Variants in ZNF493 observed in about 807,000 individuals in gnomAD.
The protein encoded by ZNF493 is zinc finger protein 493.
In ZNF493, 11 loss-of-function variants were observed where a neutral mutation model predicts 12.2. That is an observed-to-expected ratio of 0.90 (90% confidence interval 0.57 to 1.50). The LOEUF (loss-of-function observed/expected upper bound fraction) is 1.50, where lower values mean the gene tolerates loss of function less well. Among genes scored for constraint, ZNF493 ranks in the 40% most tolerant of loss-of-function variants. The pLI is 0.00. For synonymous variants in ZNF493, 286 were observed against 302.6 expected, an observed-to-expected ratio of 0.95 and a Z score of 0.57; for missense variants, 950 against 906.6, an observed-to-expected ratio of 1.05 and a Z score of -0.61.
chr19:21,417,916 G>A (rs2030542734), intron 3 of ZNF493, among the ~76,000 whole-genome samples: 1 of 152,216 alleles, frequency 6.6e-6, no homozygotes, highest in Admixed American at 6.5e-5. Flanking sequence ...GGAGAACCTA[G>A]TCCATACTGA....
At chr19:21,399,456 G>A (rs1427352780) in intron 1 of ZNF493, among the ~76,000 whole-genome samples, 4 of 152,088 alleles carry the variant, frequency 2.6e-5, no homozygotes, top group South Asian at 2.1e-4. Context: ...CACCATGCCC[G>A]GCCCACATCT....
intron 1 of ZNF493, chr19:21,397,599 C>T (rs979039997): frequency 1.0e-4 from 54 of 522,716 alleles, no homozygotes; most frequent in Non-Finnish European, 1.7e-4. Context: ...ACTTGGGGTG[C>T]GGGTTCATGA....
intron 3 of ZNF493, among the ~76,000 whole-genome samples, chr19:21,406,222 CA>C (rs5827503): frequency 0.73 from 109,467 of 150,234 alleles, 39,700 homozygotes; most frequent in Middle Eastern, 0.77. Context: ...GACTTCATCT[CA>C]AAAAAAAAAG....
intron 1 of ZNF493, 30 bp from the exon 2 acceptor site, chr19:21,405,099 T>G: frequency 6.2e-7 from 1 of 1,608,264 alleles, no homozygotes; most frequent in Non-Finnish European, 8.5e-7. Flanking sequence ...TGTGTGTGTG[T>G]GTGTGTGTGT....
At position 21,423,173 on chromosome 19, in the gene ZNF493, C is replaced by T. The variant is rs527536453; in HGVS notation, c.514C>T (p.His172Tyr). The part of the protein sequence containing the change: ...VFHKLLNSNR[H>Y]NTKHTGKKPF... ...TCATAAACTTTTAAATTCAAATAGACATAACACAAAACATACTGGAAAGAA... is the reference window on the plus strand; with the variant it reads ...TCATAAACTTTTAAATTCAAATAGATATAACACAAAACATACTGGAAAGAA... The change falls in exon 4 of 4, where the codon CAT becomes TAT. Residue 172 changes from histidine to tyrosine, a missense_variant. Coordinates refer to ENST00000392288, the MANE Select transcript of ZNF493 (RefSeq NM_001076678.3). 1.7e-5 allele frequency: 27 copies of T among 1,613,484 alleles called. No homozygotes were observed. The highest frequency in any genetic ancestry group is 2.2e-5 in the Non-Finnish European group (26 of 1,179,798).
At position 21,405,109 on chromosome 19, in the gene ZNF493, T is replaced by C. The variant is rs1462183573; in HGVS notation, c.31-20T>C. The C allele has an allele frequency of 6.2e-7, 1 of 1,608,354 alleles. No homozygotes were observed. Among genetic ancestry groups the C allele is most frequent in the East Asian group, 2.2e-5 (1 of 44,698 alleles). On this transcript the variant is annotated intron_variant, in intron 1 of 3. Coordinates refer to ENST00000392288, the MANE Select transcript of ZNF493 (RefSeq NM_001076678.3). Reference sequence around the variant, plus strand: ...GTAAATGTGTGTGTGTGTGTGTGTGTTTGTGTGTGTTTGTTTCAGGGGCCG... The same window carrying C: ...GTAAATGTGTGTGTGTGTGTGTGTGCTTGTGTGTGTTTGTTTCAGGGGCCG...
chr19:21,423,525 G>T lies in ZNF493; in HGVS notation c.866G>T (p.Arg289Ile). Residue 289 changes from arginine (R) to isoleucine (I), a missense_variant, in exon 4 of 4, where the codon AGA (arginine) becomes ATA (isoleucine). Transcript: ENST00000392288. ...ACTAGGCATAAGCTAATTCATACTA[G>T]AGAGAAACCCTATAAATGTGAACAA... ...YLTRHKLIHT[R>I]EKPYKCEQYG... The T allele has an allele frequency of 1.2e-6, 2 of 1,613,426 alleles. No homozygotes were observed. Among genetic ancestry groups the T allele is most frequent in the Non-Finnish European group, 1.7e-6 (2 of 1,179,764 alleles).
At chr19:21,405,907 T>TAAAA (rs386388731) in intron 3 of ZNF493, 51 bp downstream of exon 3, 1,960 of 179,658 alleles carry the variant, frequency 0.011, 16 homozygotes, top group South Asian at 0.023. Context: ...TTGAAAGATT[T>TAAAA]AAAAAAAAAA....
At chr19:21,405,008 T>C (rs1568377569) in intron 1 of ZNF493, 121 bp from the exon 2 acceptor site, 4 of 1,474,430 alleles carry the variant, frequency 2.7e-6, no homozygotes, top group Non-Finnish European at 2.7e-6. Flanking sequence ...ATAATTTCAG[T>C]CATTCCTGTA....
At chr19:21,400,289 A>G (rs1219135504) in intron 1 of ZNF493, among the ~76,000 whole-genome samples, 1 of 152,118 alleles carries the variant, frequency 6.6e-6, no homozygotes, top group African/African-American at 2.4e-5. Context: ...ACGCACCTGT[A>G]GTCCCAGCTA....
In ZNF493 at chr19:21,403,880, G is replaced by A. The variant is rs1194478667; in HGVS notation, c.31-1249G>A. Among the ~76,000 whole-genome samples, 3 of 152,052 alleles carry A rather than the reference G, an allele frequency of 2.0e-5. No individual in the cohort carries two copies. The South Asian group carries it at 6.2e-4, about 32-fold the overall frequency. On this transcript the variant is annotated intron_variant, in intron 1 of 3. Coordinates refer to ENST00000392288, the MANE Select transcript of ZNF493 (RefSeq NM_001076678.3). ...CCTTCTCTACACTCTCTAAATCATG[G>A]CTTCTTATACGCCATGCAGAATTCT...
At chr19:21,404,149 GA>G (rs1335306119) in intron 1 of ZNF493, among the ~76,000 whole-genome samples, 1 of 152,136 alleles carries the variant, frequency 6.6e-6, no homozygotes, top group African/African-American at 2.4e-5. Flanking sequence ...AAGTTATTGA[GA>G]GATACCTGCT....
chr19:21,414,220 T>C (rs1213651014), intron 3 of ZNF493: 2 of 152,158 alleles, frequency 1.3e-5, no homozygotes, highest in Non-Finnish European at 2.9e-5. Context: ...TAAGCTAGTC[T>C]CCCAAATGAG....
chr19:21,415,153 A>G (rs1238905523), intron 3 of ZNF493, among the ~76,000 whole-genome samples: 4 of 152,216 alleles, frequency 2.6e-5, no homozygotes, highest in African/African-American at 7.2e-5. Context: ...TTCTTGGACA[A>G]TAACACCAGT....
chr19:21,421,835 G>A (rs1287743340), intron 3 of ZNF493, among the ~76,000 whole-genome samples: 11 of 152,046 alleles, frequency 7.2e-5, no homozygotes, highest in Admixed American at 7.2e-4. Flanking sequence ...TTATTTTTTA[G>A]TTAAAGGAAA....
In ZNF493 at chr19:21,424,335, A is replaced by G. The variant is rs1243663098; in HGVS notation, c.1676A>G (p.His559Arg). The G allele has an allele frequency of 6.2e-7, 1 of 1,613,146 alleles. No individual in the cohort carries two copies. Among genetic ancestry groups the G allele is most frequent in the Non-Finnish European group, 8.5e-7 (1 of 1,179,678 alleles). The change falls in exon 4 of 4, where the codon CAC becomes CGC. Residue 559 changes from histidine to arginine, a missense_variant. Physicochemically the swap from His to Arg is conservative, Grantham distance 29. Coordinates refer to ENST00000392288, the MANE Select transcript of ZNF493 (RefSeq NM_001076678.3). The part of the protein sequence containing the change: ...ECGKAFNRSS[H>R]LTTHKRIHTG... ...GGCAAAGCTTTTAATCGGTCCTCAC[A>G]CCTTACTACACATAAGAGAATTCAT...
At chr19:21,397,490 G>T (rs1044754266) in intron 1 of ZNF493, 14 of 627,012 alleles carry the variant, frequency 2.2e-5, no homozygotes, top group Middle Eastern at 2.9e-4. Context: ...CTGTGACTGT[G>T]CCCTGCCTGG....
At chr19:21,402,378 T>C (rs2650849) in intron 1 of ZNF493, among the ~76,000 whole-genome samples, 144,622 of 152,312 alleles carry the variant, frequency 0.95, 68,906 homozygotes, top group Middle Eastern at 1. Context: ...TCCAAGGTTA[T>C]AATCCTCAAG....
At chr19:21,417,670 A>T (rs1199757403) in intron 3 of ZNF493, among the ~76,000 whole-genome samples, 2 of 152,138 alleles carry the variant, frequency 1.3e-5, no homozygotes, top group African/African-American at 4.8e-5. Context: ...ATCCTGCATG[A>T]CCAGTTGTGC....
Sources: gnomAD v4.1 joint callset for allele counts (sites outside exome capture counted in the v4.1 genomes callset) on GRCh38, gnomAD v4.1.1 for gene constraint, MANE v1.5 for transcripts, NCBI Gene and HGNC (gene_info 2026-07-23, HGNC 2026-07-21) for gene names.